Variants in RUNDC3B observed in about 807,000 individuals in gnomAD.
The protein encoded by RUNDC3B is RUN domain-containing protein 3B.
RUNDC3B carries 33 observed loss-of-function variants against 58.4 expected under a neutral mutation model. That is an observed-to-expected ratio of 0.56 (90% CI 0.43 to 0.75). The LOEUF is 0.75. Ranked by LOEUF, RUNDC3B falls within the 30% of genes least tolerant of loss-of-function variation. The probability of loss-of-function intolerance (pLI) is 0.00; values close to 1 mark genes in which losing one functional copy is unlikely to be tolerated. For missense variants in RUNDC3B, 501 were observed against 535.7 expected (o/e 0.94, Z 0.64); for synonymous variants, 193 against 195.2 (o/e 0.99, Z 0.10).
intron 4 of RUNDC3B, among the ~76,000 whole-genome samples, chr7:87,723,548 T>C (rs1831029891): frequency 1.3e-5 from 2 of 152,168 alleles, no homozygotes; most frequent in African/African-American, 4.8e-5. Context: ...TAGGCTAATG[T>C]CACAGGTTGA....
At chr7:87,674,940 G>A (rs1392138219) in intron 2 of RUNDC3B, among the ~76,000 whole-genome samples, 1 of 152,192 alleles carries the variant, frequency 6.6e-6, no homozygotes, top group Non-Finnish European at 1.5e-5. Flanking sequence ...ATGTGCTCCA[G>A]TGCAGCTCTT....
chr7:87,825,003 A>G (rs1837719321), intron 10 of RUNDC3B, among the ~76,000 whole-genome samples: 1 of 152,146 alleles, frequency 6.6e-6, no homozygotes, highest in Non-Finnish European at 1.5e-5. Context: ...GCAGCCTGAC[A>G]ATGTGATAGA....
chr7:87,680,786 TC>T (rs1486514485), intron 2 of RUNDC3B, among the ~76,000 whole-genome samples: 2 of 145,834 alleles, frequency 1.4e-5, no homozygotes, highest in African/African-American at 5.2e-5. Flanking sequence ...GGAGTGAAAC[TC>T]CATCTCAAAA....
chr7:87,644,775 A>G (rs1425595436), intron 1 of RUNDC3B, among the ~76,000 whole-genome samples: 1 of 151,966 alleles, frequency 6.6e-6, no homozygotes, highest in East Asian at 1.9e-4. Flanking sequence ...ATATATATAT[A>G]TTAATGCAGA....
chr7:87,733,602 T>C (rs984961863), intron 4 of RUNDC3B, among the ~76,000 whole-genome samples: 1 of 152,242 alleles, frequency 6.6e-6, no homozygotes, highest in Non-Finnish European at 1.5e-5. Flanking sequence ...GGACTGGTTT[T>C]GTGGAAGACA....
At chr7:87,807,785 G>T (rs1163401849) in intron 9 of RUNDC3B, among the ~76,000 whole-genome samples, 1 of 152,020 alleles carries the variant, frequency 6.6e-6, no homozygotes, top group Non-Finnish European at 1.5e-5. Flanking sequence ...ATCTATTTTT[G>T]AATTCTATCA....
intron 1 of RUNDC3B, 39 bp downstream of exon 1, chr7:87,628,984 G>C: frequency 3.8e-6 from 5 of 1,303,086 alleles, no homozygotes; most frequent in Non-Finnish European, 4.9e-6. Context: ...GCCTCCCGCC[G>C]GGGCTGAGAG....
At position 87,795,694 on chromosome 7, in the gene RUNDC3B, A is replaced by G. The variant is rs1835777021; in HGVS notation, c.957-11679A>G. Among the ~76,000 whole-genome samples the G allele has an allele frequency of 2.0e-5, 3 of 150,906 alleles. No individual in the cohort carries two copies. The South Asian group carries it at 6.3e-4, about 32-fold the overall frequency. On this transcript the variant is annotated intron_variant, in intron 8 of 10. Transcript: ENST00000394654. ...GGAGTTTGAGACCAGCCTGGCCAAC[A>G]CGGGGAAACCCCGTCTCTACTAAAA...
chr7:87,789,805 GAAGA>G (rs1835427613), intron 8 of RUNDC3B, among the ~76,000 whole-genome samples: 3 of 152,298 alleles, frequency 2.0e-5, no homozygotes, highest in Admixed American at 2.0e-4. Context: ...TCCTCTGCCT[GAAGA>G]AAGAGCAAGA....
intron 2 of RUNDC3B, among the ~76,000 whole-genome samples, chr7:87,699,062 C>T (rs1347911636): frequency 6.6e-6 from 1 of 152,066 alleles, no homozygotes; most frequent in Admixed American, 6.6e-5. Context: ...TTTTTAAAAG[C>T]AGTCAAGTTA....
intron 2 of RUNDC3B, among the ~76,000 whole-genome samples, chr7:87,656,515 G>C (rs937752421): frequency 4.6e-5 from 7 of 151,796 alleles, no homozygotes; most frequent in African/African-American, 1.7e-4. Flanking sequence ...AAAATATCAA[G>C]GTTTGTTTTG....
chr7:87,659,175 A>G (rs1229587763), intron 2 of RUNDC3B: 2 of 417,168 alleles, frequency 4.8e-6, no homozygotes, highest in Non-Finnish European at 9.5e-6. Context: ...ACAAACAACA[A>G]CAACAAAACT....
chr7:87,632,257 T>C (rs993000425), intron 1 of RUNDC3B, among the ~76,000 whole-genome samples: 10 of 152,232 alleles, frequency 6.6e-5, no homozygotes, highest in Non-Finnish European at 1.2e-4. Context: ...CAATTCTTTA[T>C]GTTTAAAGCT....
chr7:87,774,716 A>T (rs996709061), intron 7 of RUNDC3B, among the ~76,000 whole-genome samples: 1 of 152,208 alleles, frequency 6.6e-6, no homozygotes, highest in Non-Finnish European at 1.5e-5. Flanking sequence ...AAAAACTATT[A>T]TGTATTGTTT....
intron 2 of RUNDC3B, among the ~76,000 whole-genome samples, chr7:87,695,533 T>C (rs1828424198): frequency 6.6e-6 from 1 of 152,130 alleles, no homozygotes; most frequent in South Asian, 2.1e-4. Flanking sequence ...TCTTGTCTTT[T>C]GTTGATTGTC....
chr7:87,662,415 A>C (rs1002876338), intron 2 of RUNDC3B, among the ~76,000 whole-genome samples: 1 of 151,920 alleles, frequency 6.6e-6, no homozygotes, highest in African/African-American at 2.4e-5. Flanking sequence ...ATCCATTTTG[A>C]TTTGATTTTT....
rs554424720 is a variant in RUNDC3B, at chr7:87,704,159, G to A, written c.372+3605G>A. ...TGGTCTCGAACTCCTGAGTTCAAGT[G>A]ATCCGCCTGCCTCAGCCTCGCAAAG... On this transcript the variant is annotated intron_variant, in intron 3 of 10. Coordinates refer to ENST00000394654, the MANE Select transcript of RUNDC3B (RefSeq NM_001134405.2). 4.1e-4 allele frequency among the ~76,000 whole-genome samples: 63 copies of A among 151,994 alleles called. 1 individual carries two copies. Among genetic ancestry groups the A allele is most frequent in the African/African-American group, 1.5e-3 (62 of 41,478 alleles).
intron 4 of RUNDC3B, among the ~76,000 whole-genome samples, chr7:87,726,213 T>A (rs1426324221): frequency 6.6e-6 from 1 of 152,250 alleles, no homozygotes; most frequent in African/African-American, 2.4e-5. Flanking sequence ...TCTAGGGTTT[T>A]TGTGGTTTTA....
chr7:87,782,004 A>G (rs1277667563), intron 8 of RUNDC3B, among the ~76,000 whole-genome samples: 1 of 152,004 alleles, frequency 6.6e-6, no homozygotes, highest in African/African-American at 2.4e-5. Flanking sequence ...AGAATGTGTT[A>G]CAGAAGAGTC....
Sources: gnomAD v4.1 joint callset for allele counts (sites outside exome capture counted in the v4.1 genomes callset) on GRCh38, gnomAD v4.1.1 for gene constraint, MANE v1.5 for transcripts, NCBI Gene and HGNC (gene_info 2026-07-23, HGNC 2026-07-21) for gene names.